The following MBNL1 variants were observed in gnomAD, a reference collection of about 807,000 sequenced individuals.
MBNL1 encodes the protein muscleblind-like protein 1.
MBNL1 carries 8 observed loss-of-function variants against 42.2 expected under a neutral mutation model. The ratio of observed to expected loss-of-function variants is 0.19; its 90% confidence interval spans 0.11 to 0.34. MBNL1 has a LOEUF of 0.34. Ranked by LOEUF, MBNL1 falls within the 10% of genes least tolerant of loss-of-function variation. The probability of loss-of-function intolerance (pLI) is 1.00; values close to 1 mark genes in which losing one functional copy is unlikely to be tolerated. For synonymous variants in MBNL1, 169 were observed against 173.9 expected (o/e 0.97, Z 0.22); for missense variants, 309 against 495.3 (o/e 0.62, Z 3.57).
At chr3:152,277,676 T>A (rs2046068669) in intron 1 of MBNL1, among the ~76,000 whole-genome samples, 1 of 152,140 alleles carries the variant, frequency 6.6e-6, no homozygotes, top group Non-Finnish European at 1.5e-5. Context: ...ACATGTCTTT[T>A]TAGTTTGAGG....
chr3:152,426,898 A>AT (rs1208861612), intron 3 of MBNL1, among the ~76,000 whole-genome samples: 1 of 152,242 alleles, frequency 6.6e-6, no homozygotes, highest in African/African-American at 2.4e-5. Context: ...TTGCTGTCAC[A>AT]TCATGTTCCA....
At chr3:152,340,877 G>T in intron 2 of MBNL1, 1 of 1,613,064 alleles carries the variant, frequency 6.2e-7, no homozygotes, top group Non-Finnish European at 8.5e-7. Context: ...CAGTATAAAG[G>T]CACCTGTGGG....
chr3:152,391,336 A>G (rs1034600858), intron 2 of MBNL1, among the ~76,000 whole-genome samples: 2 of 152,256 alleles, frequency 1.3e-5, no homozygotes, highest in African/African-American at 4.8e-5. Flanking sequence ...AGTTTGAACC[A>G]TGAAATCTTC....
intron 4 of MBNL1, among the ~76,000 whole-genome samples, chr3:152,442,808 C>T (rs1419504849): frequency 1.3e-5 from 2 of 152,212 alleles, no homozygotes; most frequent in Non-Finnish European, 2.9e-5. Flanking sequence ...ATATCTAATG[C>T]TTGGTAAATT....
At chr3:152,312,820 C>T (rs2067651693) in intron 2 of MBNL1, among the ~76,000 whole-genome samples, 1 of 152,046 alleles carries the variant, frequency 6.6e-6, no homozygotes, top group South Asian at 2.1e-4. Flanking sequence ...TTCTGAGTGT[C>T]TAGATTGGCC....
In MBNL1 at chr3:152,447,614, A is replaced by G; in HGVS notation, c.808-6A>G. ...TATTTGTTTTTTATACTCATTCACT[A>G]AACAGGGAATTCCTCAAGCTGTACT... On this transcript the variant is annotated splice_region_variant and splice_polypyrimidine_tract_variant and intron_variant, in intron 5 of 9. Transcript: ENST00000324210. 6.2e-7 allele frequency: 1 copy of G among 1,611,076 alleles called. No individual in the cohort carries two copies. The highest frequency in any genetic ancestry group is 8.5e-7 in the Non-Finnish European group (1 of 1,178,326).
At position 152,299,816 on chromosome 3, in the gene MBNL1, C is replaced by A. The variant is rs541792008; in HGVS notation, c.-378C>A. ...CTTTGCTGAAAGCAGCTTGGAAATT[C>A]GGTGTCGAAGGGTCTGCCACGTTTT... is the stretch of plus-strand genomic sequence containing the variant. On this transcript the variant is annotated 5_prime_UTR_variant, in exon 2 of 10. Transcript: ENST00000324210. 15 of 401,954 alleles carry A rather than the reference C, an allele frequency of 3.7e-5. No individual in the cohort carries two copies. Among genetic ancestry groups the A allele is most frequent in the Non-Finnish European group, 6.6e-5 (15 of 228,324 alleles). 24.9% of individuals were successfully genotyped at this position (401,954 alleles called of 1,614,324 possible).
chr3:152,270,619 A>T (rs1439672017), intron 1 of MBNL1, among the ~76,000 whole-genome samples: 3 of 152,170 alleles, frequency 2.0e-5, no homozygotes, highest in Non-Finnish European at 2.9e-5. Context: ...AATACTTAGA[A>T]TGTCTTAGAT....
At chr3:152,364,896 T>C (rs535880431) in intron 2 of MBNL1, among the ~76,000 whole-genome samples, 1 of 152,198 alleles carries the variant, frequency 6.6e-6, no homozygotes, top group Non-Finnish European at 1.5e-5. Flanking sequence ...TTAGAGTTTT[T>C]AGTAAAGATC....
intron 1 of MBNL1, among the ~76,000 whole-genome samples, chr3:152,287,292 T>C (rs1162890752): frequency 6.6e-6 from 1 of 152,128 alleles, no homozygotes; most frequent in Non-Finnish European, 1.5e-5. Flanking sequence ...TAAAATAATA[T>C]TAATAATCAT....
intron 2 of MBNL1, among the ~76,000 whole-genome samples, chr3:152,408,552 A>G (rs984363216): frequency 6.6e-6 from 1 of 152,042 alleles, no homozygotes; most frequent in African/African-American, 2.4e-5. Context: ...GGGTGAGTAT[A>G]TAAGTGTGTA....
At chr3:152,408,825 AG>A (rs1165939967) in intron 2 of MBNL1, among the ~76,000 whole-genome samples, 4 of 152,108 alleles carry the variant, frequency 2.6e-5, no homozygotes, top group Non-Finnish European at 4.4e-5. Flanking sequence ...AACTGAGGGT[AG>A]GGGTAATATA....
intron 2 of MBNL1, among the ~76,000 whole-genome samples, chr3:152,341,713 G>C (rs1300129080): frequency 6.6e-6 from 1 of 152,064 alleles, no homozygotes; most frequent in Non-Finnish European, 1.5e-5. Flanking sequence ...TATTTCCTTT[G>C]TTGTAATAAA....
intron 1 of MBNL1, among the ~76,000 whole-genome samples, chr3:152,297,254 GTT>G (rs1023006189): frequency 5.2e-4 from 53 of 101,510 alleles, no homozygotes; most frequent in African/African-American, 1.7e-3. Context: ...CTGGACCTTT[GTT>G]TTTTTTTTTT....
chr3:152,292,070 G>A (rs981448564), intron 1 of MBNL1, among the ~76,000 whole-genome samples: 11 of 152,218 alleles, frequency 7.2e-5, no homozygotes, highest in African/African-American at 2.4e-4. Flanking sequence ...AGAAGGTTGG[G>A]TGCTTTGGAT....
chr3:152,337,596 A>G (rs936380330), intron 2 of MBNL1, among the ~76,000 whole-genome samples: 6 of 151,300 alleles, frequency 4.0e-5, no homozygotes, highest in Non-Finnish European at 8.9e-5. Flanking sequence ...CCAGCCTTCC[A>G]GCCTGGGCAA....
intron 1 of MBNL1, 200 bp downstream of exon 1, chr3:152,269,292 C>T (rs1043538742): frequency 8.5e-5 from 30 of 351,580 alleles, no homozygotes; most frequent in African/African-American, 5.9e-4. Flanking sequence ...GAGCCGCAGC[C>T]GCTCCTGCGC....
chr3:152,283,620 T>G (rs2049838297), intron 1 of MBNL1, among the ~76,000 whole-genome samples: 1 of 152,220 alleles, frequency 6.6e-6, no homozygotes, highest in Non-Finnish European at 1.5e-5. Flanking sequence ...GGTGAAGTCT[T>G]GAATGGGTGA....
At chr3:152,340,486 T>C in intron 2 of MBNL1, 7 of 1,532,444 alleles carry the variant, frequency 4.6e-6, no homozygotes, top group Non-Finnish European at 6.1e-6. Flanking sequence ...TATAGACTTA[T>C]TTCTCAGAGT....
Sources: gnomAD v4.1 joint callset for allele counts (sites outside exome capture counted in the v4.1 genomes callset) on GRCh38, gnomAD v4.1.1 for gene constraint, MANE v1.5 for transcripts, NCBI Gene and HGNC (gene_info 2026-07-23, HGNC 2026-07-21) for gene names.